Variants in TRIM42 observed in about 807,000 individuals in gnomAD.
TRIM42 encodes tripartite motif-containing protein 42.
A neutral mutation model predicts 64.9 loss-of-function variants in TRIM42; 59 were observed. The observed-to-expected ratio is 0.91, with a 90% CI of 0.74 to 1.13. TRIM42 has a LOEUF of 1.13. Ranked by LOEUF, TRIM42 falls within the 50% of genes most tolerant of loss-of-function variation. The pLI is 0.00. For synonymous variants in TRIM42, 354 were observed against 346.3 expected (o/e 1.02, Z -0.25); for missense variants, 878 against 929.5 (o/e 0.94, Z 0.72).
At chr3:140,680,724 G>A (rs1052950362) in intron 1 of TRIM42, 3 of 985,188 alleles carry the variant, frequency 3.0e-6, no homozygotes, top group South Asian at 9.4e-5. Context: ...TGAGAACATC[G>A]AGGCCAGCAT....
In TRIM42 at chr3:140,678,426, G is replaced by A; in HGVS notation, c.197G>A (p.Cys66Tyr). 1 of 1,614,194 alleles carries A rather than the reference G, an allele frequency of 6.2e-7. No homozygotes were observed. Among genetic ancestry groups the A allele is most frequent in the Non-Finnish European group, 8.5e-7 (1 of 1,180,042 alleles). The change falls in exon 1 of 5, where the codon TGT becomes TAT. Residue 66 changes from cysteine to tyrosine, a missense_variant. By Grantham distance (194) the Cys-to-Tyr change is radical. Transcript: ENST00000286349. ...TCTGAGAGCCCCAACTGCCATTGGT[G>A]TTGCTGCTCTTGGGCCAATGATCCC... Reference protein sequence around the residue: ...TCSESPNCHWCCCSWANDPNC... With the variant: ...TCSESPNCHWYCCSWANDPNC...
chr3:140,679,833 T>C (rs1458650873), intron 1 of TRIM42, among the ~76,000 whole-genome samples: 1 of 152,056 alleles, frequency 6.6e-6, no homozygotes, highest in Non-Finnish European at 1.5e-5. Context: ...TTACTGTGCA[T>C]TGAAGTCACC....
chr3:140,683,249 T>C lies in TRIM42; in HGVS notation c.1039+90T>C, dbSNP rs1429187481. On this transcript the variant is annotated intron_variant, in intron 2 of 4. Coordinates refer to ENST00000286349, the MANE Select transcript of TRIM42 (RefSeq NM_152616.5). The stretch of plus-strand genomic sequence containing the variant: ...GGGGTAATCTGTTAAGTGAGTGCCT[T>C]AACAGATTCCACCTAGTGGAGCAAT... 2.3e-6 allele frequency: 3 copies of C among 1,331,972 alleles called. No homozygotes were observed. In the Admixed American group the frequency reaches 5.7e-5, roughly 25 times the overall value. 82.5% of individuals were successfully genotyped at this position (1,331,972 alleles called of 1,614,324 possible).
chr3:140,681,659 A>C (rs1988397755), intron 1 of TRIM42, among the ~76,000 whole-genome samples: 1 of 149,870 alleles, frequency 6.7e-6, no homozygotes, highest in Non-Finnish European at 1.5e-5. Context: ...AAAAAAAAAC[A>C]CTGAGAACAC....
At chr3:140,690,817 G>A in intron 3 of TRIM42, 151 bp from the exon 4 acceptor site, 1 of 624,524 alleles carries the variant, frequency 1.6e-6, no homozygotes, top group South Asian at 1.9e-5. Context: ...TCCAAGACTT[G>A]TGCATGGTCT....
Position 140,688,379 on chromosome 3 carries a change from A to C in TRIM42, c.1697A>C (p.Lys566Thr). 6.2e-7 allele frequency: 1 copy of C among 1,614,160 alleles called. No individual in the cohort carries two copies. The highest frequency in any genetic ancestry group is 1.1e-5 in the South Asian group (1 of 91,078). Reference protein sequence around the residue: ...CGRAQSATPAKPTDGLYTYWS... With the variant: ...CGRAQSATPATPTDGLYTYWS... The stretch of plus-strand genomic sequence containing the variant: ...AGAGCCCAGTCAGCCACCCCCGCCA[A>C]ACCCACAGACGGCCTCTACACCTAC... Residue 566 changes from lysine (K) to threonine (T), a missense_variant, in exon 3 of 5, where the codon AAA becomes ACA. Coordinates refer to ENST00000286349, the MANE Select transcript of TRIM42 (RefSeq NM_152616.5).
chr3:140,687,293 C>T (rs1028374995), intron 2 of TRIM42, among the ~76,000 whole-genome samples: 4 of 152,158 alleles, frequency 2.6e-5, no homozygotes, highest in Non-Finnish European at 5.9e-5. Flanking sequence ...TAGAAGTAGT[C>T]GGCAGAAACT....
chr3:140,690,544 T>C (rs1988678532), intron 3 of TRIM42, among the ~76,000 whole-genome samples: 1 of 8,296 alleles, frequency 1.2e-4, no homozygotes, highest in Non-Finnish European at 4.5e-4. Context: ...TATATATATA[T>C]ATATATATAT....
In TRIM42 at chr3:140,682,740, A is replaced by G. The variant is rs1988437833; in HGVS notation, c.620A>G (p.Glu207Gly). The G allele has an allele frequency of 6.2e-7, 1 of 1,612,894 alleles. No homozygotes were observed. The highest frequency in any genetic ancestry group is 2.2e-5 in the East Asian group (1 of 44,866). Residue 207 changes from glutamate (E) to glycine (G), a missense_variant, in exon 2 of 5, where the codon GAG (glutamate) becomes GGG (glycine). Glu to Gly is a moderately conservative substitution (Grantham distance 98). Coordinates refer to ENST00000286349, the MANE Select transcript of TRIM42 (RefSeq NM_152616.5). ...TACAGCAACAAGATGCAGCTGCCCG[A>G]GAACTACCTGCACGGGCGTCTCACC... is the stretch of plus-strand genomic sequence containing the variant. The part of the protein sequence containing the change: ...MPYSNKMQLP[E>G]NYLHGRLTKR...
chr3:140,700,737 G>C, intron 4 of TRIM42, 151 bp from the exon 5 acceptor site: 1 of 635,964 alleles, frequency 1.6e-6, no homozygotes, highest in Non-Finnish European at 2.7e-6. Context: ...CTGAGCCTCA[G>C]CTTCTTCATC....
chr3:140,695,291 CT>C (rs1251777799), intron 4 of TRIM42, among the ~76,000 whole-genome samples: 1 of 152,056 alleles, frequency 6.6e-6, no homozygotes, highest in Non-Finnish European at 1.5e-5. Flanking sequence ...CTTAATTCCC[CT>C]TTGCTATGTG....
intron 4 of TRIM42, 108 bp from the exon 5 acceptor site, chr3:140,700,780 C>T (rs1235657052): frequency 7.5e-6 from 7 of 937,216 alleles, no homozygotes; most frequent in Non-Finnish European, 1.2e-5. Context: ...CTGTGGTGGT[C>T]GTGAGGAGTT....
At chr3:140,698,321 T>C (rs1322802256) in intron 4 of TRIM42, among the ~76,000 whole-genome samples, 1 of 152,246 alleles carries the variant, frequency 6.6e-6, no homozygotes, top group East Asian at 1.9e-4. Flanking sequence ...TTTTGTAATA[T>C]GTTTGAACAT....
chr3:140,695,719 G>A (rs1988829508), intron 4 of TRIM42, among the ~76,000 whole-genome samples: 1 of 152,090 alleles, frequency 6.6e-6, no homozygotes, highest in African/African-American at 2.4e-5. Context: ...TCCTGCTGCA[G>A]ACTCTCAGGC....
intron 4 of TRIM42, among the ~76,000 whole-genome samples, chr3:140,695,273 C>A (rs1988819645): frequency 6.6e-6 from 1 of 152,002 alleles, no homozygotes; most frequent in Admixed American, 6.6e-5. Context: ...GACCAGCTGA[C>A]TAGCAACCTT....
intron 1 of TRIM42, among the ~76,000 whole-genome samples, chr3:140,681,493 A>AT (rs1988393819): frequency 6.6e-6 from 1 of 152,204 alleles, no homozygotes; most frequent in African/African-American, 2.4e-5. Context: ...AAAGTGGTGC[A>AT]TTTTTTATCA....
intron 2 of TRIM42, among the ~76,000 whole-genome samples, 155 bp downstream of exon 2, chr3:140,683,314 A>AT (rs757628964): frequency 4.6e-5 from 7 of 152,146 alleles, no homozygotes; most frequent in Admixed American, 2.0e-4. Flanking sequence ...GCAAGTCACT[A>AT]TCCTGGTGTC....
At chr3:140,678,880 A>T (rs1005210981) in intron 1 of TRIM42, among the ~76,000 whole-genome samples, 1 of 152,298 alleles carries the variant, frequency 6.6e-6, no homozygotes, top group Admixed American at 6.5e-5. Context: ...CAGGCACTTC[A>T]TGCATGACCC....
chr3:140,682,793 C>T lies in TRIM42; in HGVS notation c.673C>T (p.Leu225Phe). The change falls in exon 2 of 5, where the codon CTC becomes TTC. Residue 225 changes from leucine (L) to phenylalanine (F), a missense_variant. Physicochemically the swap from Leu to Phe is conservative, Grantham distance 22. Coordinates refer to ENST00000286349, the MANE Select transcript of TRIM42 (RefSeq NM_152616.5). ...GCGCTACATGCAGGAGCACGGCTAC[C>T]TCAAGTGGCGCTTTGACCGCTCCTC... ...TKRYMQEHGY[L>F]KWRFDRSSGP... 6.2e-7 allele frequency: 1 copy of T among 1,613,842 alleles called. No homozygotes were observed. Among genetic ancestry groups the T allele is most frequent in the South Asian group, 1.1e-5 (1 of 91,090 alleles).
Sources: gnomAD v4.1 joint callset for allele counts (sites outside exome capture counted in the v4.1 genomes callset) on GRCh38, gnomAD v4.1.1 for gene constraint, MANE v1.5 for transcripts, NCBI Gene and HGNC (gene_info 2026-07-23, HGNC 2026-07-21) for gene names.